SUSD1: variants seen among roughly 807,000 people sequenced by gnomAD.
The protein encoded by SUSD1 is sushi domain containing 1.
In SUSD1, 65 loss-of-function variants were observed where a neutral mutation model predicts 86.9. The observed-to-expected ratio is 0.75, with a 90% CI of 0.61 to 0.92. The LOEUF is 0.92. SUSD1 is among the 40% of genes least tolerant of loss of function. SUSD1 has a pLI of 0.00. For synonymous variants in SUSD1, 346 were observed against 350.0 expected (o/e 0.99, Z 0.13); for missense variants, 850 against 929.7 (o/e 0.91, Z 1.11).
intron 1 of SUSD1, chr9:112,173,687 G>A (rs140609563): frequency 0.018 from 7,884 of 436,484 alleles, 223 homozygotes; most frequent in South Asian, 0.072. Flanking sequence ...CAAGCTTGAG[G>A]TGGGCAACGT....
chr9:112,156,417 G>A (rs561081783), intron 2 of SUSD1, among the ~76,000 whole-genome samples: 10 of 149,428 alleles, frequency 6.7e-5, no homozygotes, highest in Middle Eastern at 3.5e-3. Context: ...AGCCAAGATC[G>A]CACCACTGCA....
rs1246231673 is a variant in SUSD1 at position 112,126,956 on chromosome 9, C to G, written c.707-2520G>C. Among the ~76,000 whole-genome samples the G allele has an allele frequency of 2.0e-5, 3 of 152,254 alleles. No individual in the cohort carries two copies. The South Asian group carries it at 6.2e-4, about 32-fold the overall frequency. ...CCATCCATGTTAAGGGGTATTTTCC[C>G]CACTGTACAGGCAAAGACTGCTCAA... On this transcript the variant is annotated intron_variant, in intron 5 of 16. Coordinates refer to ENST00000374270, the MANE Select transcript of SUSD1 (RefSeq NM_022486.5).
intron 2 of SUSD1, among the ~76,000 whole-genome samples, chr9:112,154,335 C>CAAA (rs887833151): frequency 1.1e-4 from 8 of 70,422 alleles, no homozygotes; most frequent in African/African-American, 1.8e-4. Context: ...CACACACACA[C>CAAA]AAAAAAAAAA....
At chr9:112,044,037 C>T (rs1360902569) in intron 15 of SUSD1, among the ~76,000 whole-genome samples, 4 of 152,014 alleles carry the variant, frequency 2.6e-5, no homozygotes, top group South Asian at 2.1e-4. Flanking sequence ...TGACCTCAGG[C>T]GATCTGCCCA....
chr9:112,156,184 C>G (rs1833304386), intron 2 of SUSD1, among the ~76,000 whole-genome samples: 1 of 151,390 alleles, frequency 6.6e-6, no homozygotes, highest in Non-Finnish European at 1.5e-5. Context: ...AACTCACTGG[C>G]CGGGCGCAGT....
intron 10 of SUSD1, among the ~76,000 whole-genome samples, chr9:112,095,527 G>A (rs138521576): frequency 2.4e-4 from 37 of 152,300 alleles, no homozygotes; most frequent in African/African-American, 8.2e-4. Flanking sequence ...ACTAGCCCAG[G>A]GGGTTTCCTG....
intron 8 of SUSD1, among the ~76,000 whole-genome samples, chr9:112,102,629 G>A (rs564002605): frequency 5.3e-5 from 8 of 152,250 alleles, no homozygotes; most frequent in South Asian, 4.1e-4. Context: ...TAATCCTATC[G>A]CTTGGATCGT....
intron 1 of SUSD1, among the ~76,000 whole-genome samples, chr9:112,163,925 C>A (rs996776626): frequency 6.6e-6 from 1 of 151,668 alleles, no homozygotes; most frequent in African/African-American, 2.4e-5. Context: ...CACTTGAACC[C>A]GGAAGGCAGA....
intron 2 of SUSD1, among the ~76,000 whole-genome samples, chr9:112,150,177 A>G (rs1204011290): frequency 6.6e-6 from 1 of 152,220 alleles, no homozygotes; most frequent in East Asian, 1.9e-4. Context: ...CAGGTAAACT[A>G]CCAAGCAATG....
intron 10 of SUSD1, among the ~76,000 whole-genome samples, chr9:112,082,713 T>TTTTTG (rs1243809003): frequency 6.6e-6 from 1 of 151,856 alleles, no homozygotes; most frequent in Non-Finnish European, 1.5e-5. Context: ...TTGCTTTTAG[T>TTTTTG]TTTTGTTTTG....
intron 14 of SUSD1, among the ~76,000 whole-genome samples, chr9:112,056,875 C>T (rs1828474011): frequency 1.3e-5 from 2 of 152,154 alleles, no homozygotes; most frequent in Non-Finnish European, 2.9e-5. Flanking sequence ...TACCACCATG[C>T]CTGGCTAATA....
Position 112,080,184 on chromosome 9 carries a change from G to A in SUSD1, c.1475-19C>T. ...TGTTTTACTGTAGTGGAAAAGAAATGAGAAATCAATTTACACTCTATAGAA... is the reference window on the plus strand; with the variant it reads ...TGTTTTACTGTAGTGGAAAAGAAATAAGAAATCAATTTACACTCTATAGAA... On this transcript the variant is annotated intron_variant, in intron 10 of 16. Coordinates refer to ENST00000374270, the MANE Select transcript of SUSD1 (RefSeq NM_022486.5). The A allele has an allele frequency of 6.4e-7, 1 of 1,572,196 alleles. No homozygotes were observed. The highest frequency in any genetic ancestry group is 8.8e-7 in the Non-Finnish European group (1 of 1,142,608).
chr9:112,143,664 G>C, intron 3 of SUSD1, 41 bp from the exon 4 acceptor site: 1 of 1,476,470 alleles, frequency 6.8e-7, no homozygotes, highest in Non-Finnish European at 9.0e-7. Flanking sequence ...GATAAAAACA[G>C]AAAAAAGAAA....
chr9:112,093,893 C>G (rs1334059524), intron 10 of SUSD1, among the ~76,000 whole-genome samples: 1 of 152,116 alleles, frequency 6.6e-6, no homozygotes, highest in African/African-American at 2.4e-5. Context: ...AAGACATAGG[C>G]TTTTTAGGCA....
intron 4 of SUSD1, among the ~76,000 whole-genome samples, chr9:112,142,861 G>A (rs1286437487): frequency 1.3e-5 from 2 of 150,600 alleles, no homozygotes; most frequent in Non-Finnish European, 2.9e-5. Flanking sequence ...TGAGATGCAG[G>A]GACCTTACCA....
At chr9:112,111,878 C>T (rs1413270821) in intron 7 of SUSD1, 38 bp from the exon 8 acceptor site, 1 of 1,598,658 alleles carries the variant, frequency 6.3e-7, no homozygotes, top group Non-Finnish European at 8.5e-7. Context: ...ACTCTGACTC[C>T]AGTCAAAACA....
At chr9:112,171,119 G>A (rs532464105) in intron 1 of SUSD1, among the ~76,000 whole-genome samples, 2 of 152,150 alleles carry the variant, frequency 1.3e-5, no homozygotes, top group Admixed American at 6.5e-5. Context: ...GGCCAGCTAC[G>A]CTAATTTTTG....
chr9:112,111,451 A>T (rs1342708815), intron 8 of SUSD1, among the ~76,000 whole-genome samples: 3 of 152,128 alleles, frequency 2.0e-5, no homozygotes, highest in Non-Finnish European at 4.4e-5. Context: ...CTGAGAAAAA[A>T]TACCCCAGAG....
At chr9:112,169,653 T>C (rs1414606024) in intron 1 of SUSD1, among the ~76,000 whole-genome samples, 1 of 151,354 alleles carries the variant, frequency 6.6e-6, no homozygotes, top group African/African-American at 2.4e-5. Flanking sequence ...TCATACCTGA[T>C]TCATTCTCCA....
Sources: allele counts gnomAD v4.1 joint callset (sites outside exome capture counted in the v4.1 genomes callset), GRCh38; gene constraint gnomAD v4.1.1; transcripts MANE v1.5; gene names NCBI Gene and HGNC (gene_info 2026-07-23, HGNC 2026-07-21).